Variants in ERICH6 observed in about 807,000 individuals in gnomAD.
The protein encoded by ERICH6 is glutamate-rich protein 6.
ERICH6 carries 71 observed loss-of-function variants against 71.0 expected under a neutral mutation model. The ratio of observed to expected loss-of-function variants is 1.00; its 90% CI spans 0.83 to 1.22. The LOEUF is 1.22. Ranked by LOEUF, ERICH6 falls within the 50% of genes most tolerant of loss-of-function variation. The probability of loss-of-function intolerance (pLI) is 0.00; values close to 1 mark genes in which losing one functional copy is unlikely to be tolerated. For synonymous variants in ERICH6, 262 were observed against 278.4 expected, an observed-to-expected ratio of 0.94 and a Z score of 0.59; for missense variants, 808 against 797.2, an observed-to-expected ratio of 1.01 and a Z score of -0.16.
chr3:150,664,969 T>C (rs1727354732), intron 13 of ERICH6, among the ~76,000 whole-genome samples: 1 of 151,606 alleles, frequency 6.6e-6, no homozygotes, highest in African/African-American at 2.4e-5. Flanking sequence ...AAAATTAATT[T>C]CTAAGTGGGG....
chr3:150,700,423 A>T (rs186395262), intron 2 of ERICH6, among the ~76,000 whole-genome samples: 33 of 151,894 alleles, frequency 2.2e-4, no homozygotes, highest in African/African-American at 7.5e-4. Flanking sequence ...ACTATCCGTG[A>T]GACCTATATA....
intron 11 of ERICH6, among the ~76,000 whole-genome samples, chr3:150,670,713 T>C (rs1193129943): frequency 6.6e-6 from 1 of 152,174 alleles, no homozygotes; most frequent in African/African-American, 2.4e-5. Flanking sequence ...TGTATTTCTA[T>C]ACACTAACAG....
intron 3 of ERICH6, among the ~76,000 whole-genome samples, chr3:150,694,320 T>C (rs930156650): frequency 3.3e-5 from 5 of 152,058 alleles, no homozygotes; most frequent in African/African-American, 1.2e-4. Context: ...GGAGAAGAAA[T>C]GTGAATGAAA....
intron 11 of ERICH6, among the ~76,000 whole-genome samples, chr3:150,671,858 G>A (rs905142890): frequency 6.6e-6 from 1 of 152,126 alleles, no homozygotes; most frequent in Admixed American, 6.5e-5. Flanking sequence ...TCAAATTGCT[G>A]AGCTCATGCG....
rs758596449 is a variant in ERICH6 at position 150,666,879 on chromosome 3, T to C, written c.1636A>G (p.Ile546Val). 1 of 1,614,110 alleles carries C rather than the reference T, an allele frequency of 6.2e-7. No individual in the cohort carries two copies. Among genetic ancestry groups the C allele is most frequent in the Admixed American group, 1.7e-5 (1 of 60,018 alleles). Residue 546 changes from isoleucine to valine, a missense_variant, in exon 13 of 14, where the codon ATT becomes GTT. Transcript: ENST00000295910. ...TCTTGTTCTAAGATGCGGACTCCAA[T>C]ATAACGGTTCAAAGCCAGAAAGACA... ...KPVFLALNRY[I>V]GVRILEQDKI...
At chr3:150,676,824 T>A (rs1711674256) in intron 10 of ERICH6, among the ~76,000 whole-genome samples, 1 of 152,060 alleles carries the variant, frequency 6.6e-6, no homozygotes, top group South Asian at 2.1e-4. Context: ...AAAAATTTTT[T>A]TTTTTTTGAG....
intron 13 of ERICH6, 119 bp downstream of exon 13, chr3:150,666,668 A>C: frequency 2.3e-6 from 2 of 887,992 alleles, no homozygotes; most frequent in African/African-American, 3.4e-5. Context: ...TGAATTCCAA[A>C]ATCCTAGTGG....
Position 150,680,893 on chromosome 3 carries a change from T to C in ERICH6, c.920A>G (p.Tyr307Cys), listed in dbSNP as rs573554616. Residue 307 changes from tyrosine (Y) to cysteine (C), a missense_variant, in exon 8 of 14, where the codon TAT becomes TGT. Tyr to Cys is a radical substitution (Grantham distance 194). Coordinates refer to ENST00000295910, the MANE Select transcript of ERICH6 (RefSeq NM_152394.5). ...CCIAFQNLID[Y>C]IYEEQIKTKP... is the part of the protein sequence containing the mutation. ...GGTTTTTATTTGCTCCTCATAGATA[T>C]AGTCAATCAGATTTTGGAAAGCAAT... 3.3e-5 allele frequency: 53 copies of C among 1,612,348 alleles called. No homozygotes were observed. Among genetic ancestry groups the C allele is most frequent in the African/African-American group, 4.0e-5 (3 of 74,796 alleles).
intron 13 of ERICH6, among the ~76,000 whole-genome samples, chr3:150,665,216 G>A (rs896027126): frequency 2.6e-5 from 4 of 152,062 alleles, no homozygotes; most frequent in Admixed American, 1.3e-4. Context: ...GTAGACCCTC[G>A]CTCTATGTTG....
At chr3:150,675,023 C>T (rs1711600467) in intron 10 of ERICH6, among the ~76,000 whole-genome samples, 1 of 152,016 alleles carries the variant, frequency 6.6e-6, no homozygotes, top group African/African-American at 2.4e-5. Context: ...ATCCCAGATA[C>T]TTGGGAGGCT....
rs766091049 is a variant in ERICH6 at position 150,703,620 on chromosome 3, G to A, written c.279C>T (p.Asp93=). 3.7e-6 allele frequency: 6 copies of A among 1,613,952 alleles called. No homozygotes were observed. The highest frequency in any genetic ancestry group is 2.2e-5 in the East Asian group (1 of 44,872). Residue 93 remains aspartate, a synonymous_variant, in exon 1 of 14, where the codon GAC becomes GAT. Transcript: ENST00000295910. ...DIGDYDDDFP[D]VRPRLASIVS... ...CGATGCTGGCTAAGCGGGGGCGCAC[G>A]TCTGGGAAGTCGTCGTCGTAGTCAC...
chr3:150,675,707 G>GT (rs200846169), intron 10 of ERICH6, among the ~76,000 whole-genome samples: 1,843 of 144,778 alleles, frequency 0.013, 26 homozygotes, highest in African/African-American at 0.036. Context: ...ATTGGCCATT[G>GT]TTTTTTTTTT....
rs1289213920 is a variant in ERICH6, at chr3:150,685,952, T to C, written c.666+14A>G. 6.2e-7 allele frequency: 1 copy of C among 1,604,146 alleles called. No homozygotes were observed. Among genetic ancestry groups the C allele is most frequent in the African/African-American group, 1.3e-5 (1 of 74,690 alleles). On this transcript the variant is annotated intron_variant, in intron 5 of 13. Coordinates refer to ENST00000295910, the MANE Select transcript of ERICH6 (RefSeq NM_152394.5). ...GAGAACAGTGTACTAGTTAGTATGA[T>C]AAACATTTCTTACCTCCAGCTCATA...
chr3:150,662,788 C>T (rs1053887229), intron 13 of ERICH6, among the ~76,000 whole-genome samples: 8 of 152,094 alleles, frequency 5.3e-5, no homozygotes, highest in Non-Finnish European at 1.0e-4. Flanking sequence ...GTGGGTGTGG[C>T]TGGTTTTGAT....
intron 9 of ERICH6, among the ~76,000 whole-genome samples, chr3:150,679,919 A>C (rs1446567106): frequency 6.6e-6 from 1 of 152,190 alleles, no homozygotes; most frequent in African/African-American, 2.4e-5. Flanking sequence ...CAGCCTCCCA[A>C]AGTGCTGGGA....
chr3:150,689,035 T>A (rs1712313337), intron 3 of ERICH6, among the ~76,000 whole-genome samples: 1 of 150,164 alleles, frequency 6.7e-6, no homozygotes, highest in Non-Finnish European at 1.5e-5. Flanking sequence ...GTACCCCTGA[T>A]ATTTGACAAA....
chr3:150,681,878 G>A lies in ERICH6; in HGVS notation c.882+340C>T, dbSNP rs559329043. On this transcript the variant is annotated intron_variant, in intron 7 of 13. Coordinates refer to ENST00000295910, the MANE Select transcript of ERICH6 (RefSeq NM_152394.5). ...TGCCCAGGCTGGAGTGCAGTGGCAC[G>A]ATCTTGGCTCACTGCGACCTCCGTC... Among the ~76,000 whole-genome samples, 56 of 131,178 alleles carry A rather than the reference G, an allele frequency of 4.3e-4. 1 individual carries two copies. Among genetic ancestry groups the A allele is most frequent in the Admixed American group, 2.2e-3 (23 of 10,564 alleles). 86.1% of individuals were successfully genotyped at this position (131,178 alleles called of 152,430 possible).
chr3:150,683,256 A>G (rs539375521), intron 6 of ERICH6, among the ~76,000 whole-genome samples: 14 of 152,366 alleles, frequency 9.2e-5, no homozygotes, highest in African/African-American at 3.4e-4. Flanking sequence ...GCACATTGCT[A>G]AAAGCAGAAT....
intron 11 of ERICH6, among the ~76,000 whole-genome samples, chr3:150,672,115 G>A (rs976266344): frequency 2.6e-5 from 4 of 151,646 alleles, no homozygotes; most frequent in Non-Finnish European, 2.9e-5. Flanking sequence ...GTTATAAAAC[G>A]GTGTTGCTAC....
Sources: allele counts gnomAD v4.1 joint callset (sites outside exome capture counted in the v4.1 genomes callset), GRCh38; gene constraint gnomAD v4.1.1; transcripts MANE v1.5; gene names NCBI Gene and HGNC (gene_info 2026-07-23, HGNC 2026-07-21).